The following ADGRV1 variants were observed in gnomAD, a reference collection of about 807,000 sequenced individuals.
ADGRV1 encodes the protein adhesion G protein-coupled receptor V1.
In ADGRV1, 359 loss-of-function variants were observed where a neutral mutation model predicts 596.2. That is an observed-to-expected ratio of 0.60 (90% CI 0.55 to 0.66). ADGRV1 has a LOEUF of 0.66. ADGRV1 is among the 30% of genes least tolerant of loss of function. ADGRV1 has a pLI of 0.00. For missense variants in ADGRV1, 7,274 were observed against 7,575.6 expected, an observed-to-expected ratio of 0.96 and a Z score of 1.48; for synonymous variants, 2,681 against 2,679.2, an observed-to-expected ratio of 1.00 and a Z score of -0.02.
intron 84 of ADGRV1, among the ~76,000 whole-genome samples, chr5:90,977,640 A>G (rs1010850526): frequency 1.3e-5 from 2 of 152,212 alleles, no homozygotes; most frequent in African/African-American, 4.8e-5. Flanking sequence ...CAAAACACTT[A>G]ACAAGATATG....
In ADGRV1 at chr5:90,823,596, G is replaced by T; in HGVS notation, c.16368G>T (p.Lys5456Asn). ...TCAGCATTGAACTCAAACCAGAAAA[G>T]GTAAGAAATGAAGAGACACACTAGT... is the stretch of plus-strand genomic sequence containing the variant. ...CFISIELKPE[K>N]VPQVEVYFFV... The change falls in exon 76 of 90, where the codon AAG becomes AAT. Residue 5456 changes from lysine to asparagine, a missense_variant and splice_region_variant. Coordinates refer to ENST00000405460, the MANE Select transcript of ADGRV1 (RefSeq NM_032119.4). 2 of 1,612,520 alleles carry T rather than the reference G, an allele frequency of 1.2e-6. No homozygotes were observed.
chr5:90,624,996 T>C (rs1303717562), intron 5 of ADGRV1, 134 bp from the exon 6 acceptor site: 1 of 597,936 alleles, frequency 1.7e-6, no homozygotes, highest in Non-Finnish European at 3.0e-6. Flanking sequence ...AAGGGCAGAA[T>C]GATGTATGGG....
intron 9 of ADGRV1, among the ~76,000 whole-genome samples, chr5:90,630,687 C>T (rs1466968366): frequency 1.3e-5 from 2 of 152,170 alleles, no homozygotes; most frequent in African/African-American, 4.8e-5. Context: ...TATTCTATTT[C>T]ACTAATTTCT....
intron 85 of ADGRV1, among the ~76,000 whole-genome samples, chr5:91,052,830 C>A (rs975650095): frequency 3.9e-5 from 6 of 152,100 alleles, no homozygotes; most frequent in African/African-American, 1.4e-4. Context: ...CAATAAAGGG[C>A]AAATTTAGAT....
Position 91,164,001 on chromosome 5 carries a change from T to C in ADGRV1, c.*101T>C, listed in dbSNP as rs41315918. The C allele has an allele frequency of 4.5e-4, 317 of 710,986 alleles. 1 individual carries two copies. The highest frequency in any genetic ancestry group is 7.6e-4 in the Non-Finnish European group (295 of 387,678). 44.0% of individuals were successfully genotyped at this position (710,986 alleles called of 1,614,324 possible). A position where few individuals can be genotyped will look rare whatever the true frequency, so the allele number is the denominator to read the frequency against. ...CACCTGTGTAATAGGAACCTGTGAA[T>C]TGTACTGGATGATTAATACAAACGT... On this transcript the variant is annotated 3_prime_UTR_variant, in exon 90 of 90. Transcript: ENST00000405460.
chr5:90,609,383 T>C (rs1762475646), intron 1 of ADGRV1, among the ~76,000 whole-genome samples: 1 of 152,030 alleles, frequency 6.6e-6, no homozygotes, highest in African/African-American at 2.4e-5. Context: ...TTAACTACAG[T>C]CTGAGTAAGA....
chr5:91,065,843 G>T (rs948076546), intron 85 of ADGRV1, among the ~76,000 whole-genome samples: 2 of 152,150 alleles, frequency 1.3e-5, no homozygotes, highest in Non-Finnish European at 2.9e-5. Flanking sequence ...GCATCTACTT[G>T]TTTCATCTGG....
chr5:90,612,496 C>T lies in ADGRV1; in HGVS notation c.23-2339C>T, dbSNP rs575536495. Among the ~76,000 whole-genome samples, 7 of 152,032 alleles carry T rather than the reference C, an allele frequency of 4.6e-5. No homozygotes were observed. The East Asian group carries it at 1.4e-3, about 29-fold the overall frequency. ...GAGAGTTTGGAGTTAGCCTCCAAAG[C>T]CTACATAGCCACTTAACTGAATAAT... On this transcript the variant is annotated intron_variant, in intron 1 of 89. Transcript: ENST00000405460.
At chr5:90,809,086 A>G (rs990230993) in intron 73 of ADGRV1, among the ~76,000 whole-genome samples, 1 of 151,520 alleles carries the variant, frequency 6.6e-6, no homozygotes, top group Non-Finnish European at 1.5e-5. Context: ...AGCTGGGAGT[A>G]GTTGGGACGA....
intron 48 of ADGRV1, among the ~76,000 whole-genome samples, chr5:90,728,095 C>T (rs1024983561): frequency 1.4e-4 from 22 of 152,132 alleles, no homozygotes; most frequent in African/African-American, 4.8e-5. Flanking sequence ...TCAAAAGTTC[C>T]TAATTGTTGA....
chr5:90,632,389 C>A (rs1484338337), intron 9 of ADGRV1, among the ~76,000 whole-genome samples: 1 of 152,146 alleles, frequency 6.6e-6, no homozygotes, highest in Non-Finnish European at 1.5e-5. Context: ...TTTTTGTTAT[C>A]ATTTGAGCTT....
At chr5:91,126,455 G>A (rs139592622) in intron 87 of ADGRV1, among the ~76,000 whole-genome samples, 1 of 152,192 alleles carries the variant, frequency 6.6e-6, no homozygotes, top group Non-Finnish European at 1.5e-5. Context: ...ACTTAGAGGA[G>A]CTAAAATAGC....
chr5:91,157,199 A>T (rs1582252436), intron 89 of ADGRV1, among the ~76,000 whole-genome samples: 1 of 152,326 alleles, frequency 6.6e-6, no homozygotes, highest in East Asian at 1.9e-4. Flanking sequence ...GTACTAAAAC[A>T]GTGGGCCTTC....
Position 90,647,491 on chromosome 5 carries a change from A to G in ADGRV1, c.3023-7A>G. The G allele has an allele frequency of 1.3e-6, 2 of 1,596,502 alleles. No homozygotes were observed. The highest frequency in any genetic ancestry group is 1.7e-6 in the Non-Finnish European group (2 of 1,171,794). Reference sequence around the variant, plus strand: ...GCTCATGTGTTCTTTCTTTGTGGATATTTCAGAACCTCGTGTAGTGAGGGT... The same window carrying G: ...GCTCATGTGTTCTTTCTTTGTGGATGTTTCAGAACCTCGTGTAGTGAGGGT... On this transcript the variant is annotated splice_region_variant and splice_polypyrimidine_tract_variant and intron_variant, in intron 16 of 89. Coordinates refer to ENST00000405460, the MANE Select transcript of ADGRV1 (RefSeq NM_032119.4).
chr5:90,798,922 T>G (rs1761048403), intron 70 of ADGRV1, among the ~76,000 whole-genome samples: 1 of 152,236 alleles, frequency 6.6e-6, no homozygotes, highest in South Asian at 2.1e-4. Context: ...TGATGGAATG[T>G]ATCTCAAAAT....
chr5:91,066,505 A>G (rs958918195), intron 85 of ADGRV1, among the ~76,000 whole-genome samples: 8 of 152,216 alleles, frequency 5.3e-5, no homozygotes, highest in African/African-American at 1.9e-4. Context: ...TTTTATTCAG[A>G]CAGTATTGCT....
chr5:90,668,637 CT>C (rs1458049390), intron 21 of ADGRV1, among the ~76,000 whole-genome samples: 1 of 152,086 alleles, frequency 6.6e-6, no homozygotes, highest in Non-Finnish European at 1.5e-5. Flanking sequence ...GCTCCTCCCC[CT>C]GGTAGTTTTT....
chr5:90,625,400 T>G (rs1255185795), intron 6 of ADGRV1, 157 bp downstream of exon 6: 1 of 496,352 alleles, frequency 2.0e-6, no homozygotes, highest in Admixed American at 3.6e-5. Flanking sequence ...TTAATTCACA[T>G]TAAATTACAC....
At position 90,690,039 on chromosome 5, in the gene ADGRV1, T is replaced by C. The variant is rs2149616826; in HGVS notation, c.6669T>C (p.Ile2223=). 1.3e-6 allele frequency: 2 copies of C among 1,588,108 alleles called. No homozygotes were observed. Among genetic ancestry groups the C allele is most frequent in the South Asian group, 2.3e-5 (2 of 87,636 alleles). ...TAGGGGCTTTAACAGAGGCAGTCAT[T>C]ATTATTGAGGCCTCTGATGACCCCT... ...ARLGALTEAV[I]IIEASDDPYG... The change falls in exon 30 of 90, where the codon ATT becomes ATC. Residue 2223 remains isoleucine, a synonymous_variant. Transcript: ENST00000405460.
Sources: gnomAD v4.1 joint callset for allele counts (sites outside exome capture counted in the v4.1 genomes callset) on GRCh38, gnomAD v4.1.1 for gene constraint, MANE v1.5 for transcripts, NCBI Gene and HGNC (gene_info 2026-07-23, HGNC 2026-07-21) for gene names.